The following SLX4IP variants were observed in gnomAD, a reference collection of about 807,000 sequenced individuals.
SLX4IP encodes SLX4 interacting protein.
Under a neutral mutation model 32.9 loss-of-function variants are expected in SLX4IP, and 34 were observed. The ratio of observed to expected loss-of-function variants is 1.03; its 90% CI spans 0.79 to 1.38. SLX4IP has a LOEUF of 1.38. Among genes scored for constraint, SLX4IP ranks in the 40% most tolerant of loss-of-function variants. The pLI is 0.00. For missense variants in SLX4IP, 444 were observed against 479.0 expected, an observed-to-expected ratio of 0.93 and a Z score of 0.68; for synonymous variants, 172 against 171.7, an observed-to-expected ratio of 1.00 and a Z score of -0.01.
intron 2 of SLX4IP, among the ~76,000 whole-genome samples, chr20:10,489,090 G>A (rs1214788200): frequency 6.6e-6 from 1 of 152,156 alleles, no homozygotes; most frequent in Non-Finnish European, 1.5e-5. Context: ...ATAGAAACAA[G>A]CCACTCAGGT....
chr20:10,582,900 G>A (rs958830512), intron 4 of SLX4IP, among the ~76,000 whole-genome samples: 5 of 152,106 alleles, frequency 3.3e-5, no homozygotes, highest in Admixed American at 6.5e-5. Flanking sequence ...GACTTTGGAA[G>A]AGGGTCTATA....
At chr20:10,610,918 G>A (rs1271974430) in intron 6 of SLX4IP, among the ~76,000 whole-genome samples, 1 of 152,116 alleles carries the variant, frequency 6.6e-6, no homozygotes, top group Admixed American at 6.5e-5. Context: ...TCATTTTAAA[G>A]ACAGGTGGCT....
At chr20:10,536,798 A>G (rs1246344113) in intron 2 of SLX4IP, among the ~76,000 whole-genome samples, 3 of 152,178 alleles carry the variant, frequency 2.0e-5, no homozygotes, top group African/African-American at 7.2e-5. Flanking sequence ...TGTAATGTAT[A>G]CTCAGACCAT....
At position 10,547,425 on chromosome 20, in the gene SLX4IP, C is replaced by G. The variant is rs145331849; in HGVS notation, c.28-8806C>G. Among the ~76,000 whole-genome samples the G allele has an allele frequency of 2.7e-3, 408 of 152,338 alleles. 1 individual carries two copies. The highest frequency in any genetic ancestry group is 9.3e-3 in the African/African-American group (386 of 41,558). On this transcript the variant is annotated intron_variant, in intron 2 of 7. Transcript: ENST00000334534. ...CTGAACAGGAGACAGGAGCTCCCTC[C>G]CCTCCTGAGTCCTTTTCACCTCAGA...
intron 2 of SLX4IP, among the ~76,000 whole-genome samples, chr20:10,480,589 A>G (rs192528804): frequency 6.6e-6 from 1 of 152,348 alleles, no homozygotes; most frequent in Non-Finnish European, 1.5e-5. Flanking sequence ...ACGTGATTTT[A>G]CTTTAACAAT....
intron 2 of SLX4IP, among the ~76,000 whole-genome samples, chr20:10,495,902 A>G (rs1020215947): frequency 8.6e-5 from 13 of 151,032 alleles, no homozygotes; most frequent in African/African-American, 2.9e-4. Flanking sequence ...TGTTGTTGTT[A>G]TTATTTGGTT....
intron 2 of SLX4IP, among the ~76,000 whole-genome samples, chr20:10,522,182 A>G (rs1350604353): frequency 6.6e-6 from 1 of 152,150 alleles, no homozygotes; most frequent in Admixed American, 6.5e-5. Context: ...GTCTGTTTTG[A>G]TCTTCTGCTC....
At chr20:10,457,560 A>G (rs765834999) in intron 1 of SLX4IP, among the ~76,000 whole-genome samples, 6 of 151,638 alleles carry the variant, frequency 4.0e-5, no homozygotes, top group Non-Finnish European at 5.9e-5. Context: ...GCTACATCCA[A>G]CTTGATCGTG....
chr20:10,582,222 A>G (rs1439416443), intron 4 of SLX4IP, among the ~76,000 whole-genome samples: 1 of 152,166 alleles, frequency 6.6e-6, no homozygotes, highest in Non-Finnish European at 1.5e-5. Context: ...GGGTGCAGGC[A>G]GGATGCAGCT....
At chr20:10,456,325 T>TTTTA (rs1261674254) in intron 1 of SLX4IP, among the ~76,000 whole-genome samples, 8 of 152,018 alleles carry the variant, frequency 5.3e-5, no homozygotes, top group Non-Finnish European at 8.8e-5. Context: ...TGTAGTAAGC[T>TTTTA]TTTATTTATT....
chr20:10,475,276 G>C (rs777730079), intron 2 of SLX4IP, among the ~76,000 whole-genome samples: 3 of 152,238 alleles, frequency 2.0e-5, no homozygotes, highest in Non-Finnish European at 2.9e-5. Flanking sequence ...GATGAGATGA[G>C]AATCCCTGGG....
intron 1 of SLX4IP, among the ~76,000 whole-genome samples, chr20:10,435,741 C>T (rs1340854340): frequency 6.6e-6 from 1 of 152,186 alleles, no homozygotes; most frequent in African/African-American, 2.4e-5. Flanking sequence ...TCATGGCTAC[C>T]TGCATCCAGC....
intron 2 of SLX4IP, among the ~76,000 whole-genome samples, chr20:10,478,535 G>C (rs1414682307): frequency 6.6e-6 from 1 of 152,164 alleles, no homozygotes; most frequent in Non-Finnish European, 1.5e-5. Context: ...AATCATCCTT[G>C]TCCAGTAATA....
intron 4 of SLX4IP, among the ~76,000 whole-genome samples, chr20:10,578,776 A>G (rs1463229754): frequency 6.6e-6 from 1 of 152,162 alleles, no homozygotes; most frequent in Non-Finnish European, 1.5e-5. Flanking sequence ...TCCTGTGTGT[A>G]TGAAGTGTTA....
chr20:10,535,207 G>T (rs2066029106), intron 2 of SLX4IP, among the ~76,000 whole-genome samples: 1 of 152,152 alleles, frequency 6.6e-6, no homozygotes, highest in South Asian at 2.1e-4. Context: ...TAGAAGTGAT[G>T]AATTGCAAAT....
At chr20:10,600,803 C>G (rs963329905) in intron 5 of SLX4IP, among the ~76,000 whole-genome samples, 1 of 152,140 alleles carries the variant, frequency 6.6e-6, no homozygotes, top group East Asian at 1.9e-4. Context: ...GACTTAATTT[C>G]TATCACAAAT....
At chr20:10,524,911 G>T (rs1458237394) in intron 2 of SLX4IP, among the ~76,000 whole-genome samples, 2 of 152,098 alleles carry the variant, frequency 1.3e-5, no homozygotes, top group African/African-American at 4.8e-5. Flanking sequence ...CCATTGTCTT[G>T]GTTCAGGTTG....
intron 2 of SLX4IP, among the ~76,000 whole-genome samples, chr20:10,551,617 A>G (rs1018831898): frequency 2.0e-5 from 3 of 152,356 alleles, no homozygotes; most frequent in South Asian, 2.1e-4. Flanking sequence ...GGGGCCCTAC[A>G]TGGACCAGTC....
chr20:10,565,142 C>T (rs546238850), intron 4 of SLX4IP, among the ~76,000 whole-genome samples: 84 of 152,240 alleles, frequency 5.5e-4, no homozygotes, highest in African/African-American at 1.9e-3. Context: ...TCATCCACAC[C>T]TCTGCTGCCA....
Sources: allele counts gnomAD v4.1 joint callset (sites outside exome capture counted in the v4.1 genomes callset), GRCh38; gene constraint gnomAD v4.1.1; transcripts MANE v1.5; gene names NCBI Gene and HGNC (gene_info 2026-07-23, HGNC 2026-07-21).